Variants in C1QTNF3 observed in about 807,000 individuals in gnomAD.
C1QTNF3 encodes complement C1q tumor necrosis factor-related protein 3.
In C1QTNF3, 26 loss-of-function variants were observed where a neutral mutation model predicts 32.6. The observed-to-expected ratio is 0.80, with a 90% CI of 0.58 to 1.11. The LOEUF (loss-of-function observed/expected upper bound fraction) is 1.11. Ranked by LOEUF, C1QTNF3 falls within the 50% of genes least tolerant of loss-of-function variation. The probability of loss-of-function intolerance (pLI) is 0.00; values close to 1 mark genes in which losing one functional copy is unlikely to be tolerated. For missense variants in C1QTNF3, 362 were observed against 398.2 expected (o/e 0.91, Z 0.77); for synonymous variants, 155 against 146.0 (o/e 1.06, Z -0.44).
chr5:34,183,327 C>CTTTTT, the C1QTNF3 span, among the ~76,000 whole-genome samples: 2 of 140,252 alleles, frequency 1.4e-5, no homozygotes, highest in African/African-American at 2.9e-5. Flanking sequence ...TTTTAATTTT[C>CTTTTT]TTTTTTTTTT....
the C1QTNF3 span, among the ~76,000 whole-genome samples, chr5:34,120,010 C>T: frequency 6.6e-6 from 1 of 152,184 alleles, no homozygotes; most frequent in South Asian, 2.1e-4. Context: ...CTTTCTCCCA[C>T]ACATTTTTCT....
chr5:34,115,730 C>CAA, the C1QTNF3 span, among the ~76,000 whole-genome samples: 14 of 85,018 alleles, frequency 1.6e-4, no homozygotes, highest in Non-Finnish European at 2.6e-4. Context: ...GACTCTGTGT[C>CAA]AAAAAAAAAA....
At chr5:34,136,727 T>C in the C1QTNF3 span, among the ~76,000 whole-genome samples, 1 of 152,266 alleles carries the variant, frequency 6.6e-6, no homozygotes, top group Non-Finnish European at 1.5e-5. Context: ...CTATTCACAA[T>C]AGCAAAGACT....
intron 1 of C1QTNF3, among the ~76,000 whole-genome samples, chr5:34,038,194 G>C (rs1158961215): frequency 6.6e-6 from 1 of 152,172 alleles, no homozygotes; most frequent in African/African-American, 2.4e-5. Flanking sequence ...CACAGAAAAT[G>C]ACTCTTCAAA....
At chr5:34,022,664 A>G (rs980143887) in intron 5 of C1QTNF3, among the ~76,000 whole-genome samples, 2 of 152,216 alleles carry the variant, frequency 1.3e-5, no homozygotes, top group Admixed American at 1.3e-4. Flanking sequence ...TTCCATTGGC[A>G]CTGCAATTCC....
chr5:34,028,700 T>C (rs1323310909), intron 4 of C1QTNF3, 54 bp downstream of exon 4: 1 of 1,500,264 alleles, frequency 6.7e-7, no homozygotes, highest in Non-Finnish European at 9.0e-7. Flanking sequence ...CTTCCTTAAT[T>C]GTCTTTATTA....
At chr5:34,212,041 G>T in the C1QTNF3 span, among the ~76,000 whole-genome samples, 2 of 152,042 alleles carry the variant, frequency 1.3e-5, no homozygotes, top group Non-Finnish European at 2.9e-5. Context: ...GCATGGTACT[G>T]GTACCAAAAC....
At chr5:34,154,024 C>G in the C1QTNF3 span, among the ~76,000 whole-genome samples, 2 of 102,286 alleles carry the variant, frequency 2.0e-5, no homozygotes, top group Non-Finnish European at 4.2e-5. Context: ...TTTATTAAAC[C>G]TGCAAAATAA....
Position 34,043,130 on chromosome 5 carries a change from C to T in C1QTNF3, c.-5G>A, listed in dbSNP as rs775986621. ...GATGAGCTGCCTCCAAAGCATGATT[C>T]TCAACAGAGCCTCAGAGTCTCCCTG... On this transcript the variant is annotated 5_prime_UTR_variant, in exon 1 of 6. Transcript: ENST00000382065. 9 of 1,608,368 alleles carry T rather than the reference C, an allele frequency of 5.6e-6. No individual in the cohort carries two copies. The highest frequency in any genetic ancestry group is 5.9e-6 in the Non-Finnish European group (7 of 1,178,238).
the C1QTNF3 span, among the ~76,000 whole-genome samples, chr5:34,059,047 T>C: frequency 6.6e-6 from 1 of 152,234 alleles, no homozygotes; most frequent in Admixed American, 6.5e-5. Flanking sequence ...AAGCTGAAGA[T>C]GCCAAACAGG....
chr5:34,056,189 AT>A, the C1QTNF3 span, among the ~76,000 whole-genome samples: 8 of 152,062 alleles, frequency 5.3e-5, no homozygotes, highest in South Asian at 6.2e-4. Context: ...GTTCCAAGTC[AT>A]TATTTTATGG....
At chr5:34,066,409 C>T in the C1QTNF3 span, among the ~76,000 whole-genome samples, 4 of 151,902 alleles carry the variant, frequency 2.6e-5, no homozygotes, top group Non-Finnish European at 5.9e-5. Flanking sequence ...GAATTCATAA[C>T]AAAATAAACA....
the C1QTNF3 span, among the ~76,000 whole-genome samples, chr5:34,142,934 T>C: frequency 2.0e-5 from 3 of 152,212 alleles, no homozygotes; most frequent in Non-Finnish European, 4.4e-5. Context: ...TTAACCAGTC[T>C]GAAATGACTG....
the C1QTNF3 span, among the ~76,000 whole-genome samples, chr5:34,051,378 A>AT: frequency 1.3e-5 from 2 of 152,130 alleles, no homozygotes; most frequent in Admixed American, 6.5e-5. Flanking sequence ...TATCTGTCTT[A>AT]TTTTTTCAAC....
chr5:34,222,309 G>A, the C1QTNF3 span, among the ~76,000 whole-genome samples: 1 of 151,866 alleles, frequency 6.6e-6, no homozygotes, highest in Admixed American at 6.6e-5. Context: ...TATTCAACTA[G>A]GGCACAATTG....
chr5:34,071,365 T>C, the C1QTNF3 span, among the ~76,000 whole-genome samples: 10 of 152,188 alleles, frequency 6.6e-5, no homozygotes, highest in African/African-American at 2.4e-4. Context: ...ACTAGAAATA[T>C]TTCATCAAAA....
chr5:34,225,338 A>C, the C1QTNF3 span, among the ~76,000 whole-genome samples: 1 of 152,010 alleles, frequency 6.6e-6, no homozygotes, highest in East Asian at 1.9e-4. Flanking sequence ...TTGTTTTGTT[A>C]ATTTAAAATA....
At chr5:34,067,190 C>T in the C1QTNF3 span, among the ~76,000 whole-genome samples, 2 of 152,186 alleles carry the variant, frequency 1.3e-5, no homozygotes, top group Non-Finnish European at 2.9e-5. Context: ...CAAAGCCATT[C>T]AACAAGTCTC....
chr5:34,134,862 C>G, the C1QTNF3 span, among the ~76,000 whole-genome samples: 1 of 152,190 alleles, frequency 6.6e-6, no homozygotes, highest in Non-Finnish European at 1.5e-5. Context: ...ACCATGTCAT[C>G]TGCAAACAGG....
Sources: allele counts gnomAD v4.1 joint callset (sites outside exome capture counted in the v4.1 genomes callset), GRCh38; gene constraint gnomAD v4.1.1; transcripts MANE v1.5; gene names NCBI Gene and HGNC (gene_info 2026-07-23, HGNC 2026-07-21).